The following TMEM33 variants were observed in gnomAD, a reference collection of about 807,000 sequenced individuals.
TMEM33 encodes the protein transmembrane protein 33.
Under a neutral mutation model 29.7 loss-of-function variants are expected in TMEM33, and 16 were observed. The ratio of observed to expected loss-of-function variants is 0.54; its 90% CI spans 0.36 to 0.82. The LOEUF (loss-of-function observed/expected upper bound fraction) is 0.82. Ranked by LOEUF, TMEM33 falls within the 40% of genes least tolerant of loss-of-function variation. The pLI, the probability that TMEM33 is intolerant of heterozygous loss-of-function variation, is 0.00. For missense variants in TMEM33, 252 were observed against 295.3 expected (o/e 0.85, Z 1.08); for synonymous variants, 112 against 109.4 (o/e 1.02, Z -0.15).
chr4:41,943,856 C>T, intron 4 of TMEM33, 42 bp downstream of exon 4: 1 of 1,568,970 alleles, frequency 6.4e-7, no homozygotes, highest in Non-Finnish European at 8.8e-7. Context: ...AATTACAGAT[C>T]ATTGACATGA....
rs1266050270 is a variant in TMEM33, at chr4:41,960,671, C to A, written c.*6472C>A. ...TTAGAATAAGGTGAATTTGAACACA[C>A]TCCTCTTATCCTCAGCCCATCACAA... On this transcript the variant is annotated 3_prime_UTR_variant, in exon 7 of 7. Transcript: ENST00000504986. 2 of 152,116 alleles carry A rather than the reference C, an allele frequency of 1.3e-5. No homozygotes were observed. Among genetic ancestry groups the A allele is most frequent in the East Asian group, 1.9e-4 (1 of 5,190 alleles). 9.4% of individuals were successfully genotyped at this position (152,116 alleles called of 1,614,324 possible).
chr4:41,942,197 A>G (rs1248933891), intron 3 of TMEM33, among the ~76,000 whole-genome samples: 1 of 152,232 alleles, frequency 6.6e-6, no homozygotes, highest in Non-Finnish European at 1.5e-5. Flanking sequence ...AGAGTTTTAT[A>G]GTGACTTTTG....
intron 3 of TMEM33, among the ~76,000 whole-genome samples, chr4:41,940,001 G>GA (rs1712443541): frequency 6.7e-6 from 1 of 149,666 alleles, no homozygotes. Flanking sequence ...TAAAGGAGGG[G>GA]AAAAATGGGG....
chr4:41,939,998 G>C (rs1191329785), intron 3 of TMEM33, among the ~76,000 whole-genome samples: 2 of 151,610 alleles, frequency 1.3e-5, no homozygotes, highest in Non-Finnish European at 2.9e-5. Context: ...CCATAAAGGA[G>C]GGGAAAAATG....
rs144704555 is a variant in TMEM33, at chr4:41,944,906, G to A, written c.510G>A (p.Ala170=). 1.4e-5 allele frequency: 22 copies of A among 1,612,348 alleles called. No homozygotes were observed. The highest frequency in any genetic ancestry group is 2.7e-5 in the African/African-American group (2 of 74,830). The part of the protein sequence containing the change: ...IACNEIFLMP[A]TVFMLFSGQG... ...GCAATGAAATATTCCTGATGCCTGC[G>A]ACAGTTTTTATGCTTTTTAGGTAAG... Residue 170 remains alanine (A), a synonymous_variant, in exon 5 of 7, where the codon GCG becomes GCA. Transcript: ENST00000504986.
chr4:41,955,163 A>G lies in TMEM33; in HGVS notation c.*964A>G, dbSNP rs1713209229. ...CTATCCTGAAATAATAATGGAGAGT[A>G]TACTGTAGATTACATGTTTACCCAT... On this transcript the variant is annotated 3_prime_UTR_variant, in exon 7 of 7. Coordinates refer to ENST00000504986, the MANE Select transcript of TMEM33 (RefSeq NM_018126.3). 1.3e-5 allele frequency: 2 copies of G among 152,566 alleles called. No individual in the cohort carries two copies. Among genetic ancestry groups the G allele is most frequent in the Non-Finnish European group, 2.9e-5 (2 of 68,014 alleles). 9.5% of individuals were successfully genotyped at this position (152,566 alleles called of 1,614,324 possible).
chr4:41,954,833 C>T lies in TMEM33; in HGVS notation c.*634C>T, dbSNP rs1257690574. ...CTTGAGTATTTTTTAAAAGGCTCAA[C>T]TGTAAGCCTCTTAGCCAGTTGGATA... On this transcript the variant is annotated 3_prime_UTR_variant, in exon 7 of 7. Coordinates refer to ENST00000504986, the MANE Select transcript of TMEM33 (RefSeq NM_018126.3). 2.6e-5 allele frequency: 4 copies of T among 152,488 alleles called. No homozygotes were observed. The highest frequency in any genetic ancestry group is 2.6e-4 in the Admixed American group (4 of 15,278). The allele number at this position is 152,488 out of a possible 1,614,324, so 9.4% of individuals were successfully genotyped here. A position where few individuals can be genotyped will look rare whatever the true frequency, so the allele number is the denominator to read the frequency against.
At chr4:41,944,664 C>A (rs1024114984) in intron 4 of TMEM33, 129 bp from the exon 5 acceptor site, 5 of 1,062,592 alleles carry the variant, frequency 4.7e-6, no homozygotes, top group Non-Finnish European at 5.4e-6. Context: ...TTGTGAACTT[C>A]GTACCATCAT....
chr4:41,939,666 C>T, intron 3 of TMEM33: 1 of 512,410 alleles, frequency 2.0e-6, no homozygotes, highest in Non-Finnish European at 3.8e-6. Context: ...CAACCTTACG[C>T]AGAACTTACT....
chr4:41,959,202 C>T lies in TMEM33; in HGVS notation c.*5003C>T, dbSNP rs947953475. 2.0e-5 allele frequency: 3 copies of T among 152,134 alleles called. No homozygotes were observed. The highest frequency in any genetic ancestry group is 7.2e-5 in the African/African-American group (3 of 41,430). 9.4% of individuals were successfully genotyped at this position (152,134 alleles called of 1,614,324 possible). The stretch of plus-strand genomic sequence containing the variant: ...TCAGGGTAGAAAGTTATGATTGGAT[C>T]TGCTGTTAAGGAGAACAAAGGAGCT... On this transcript the variant is annotated 3_prime_UTR_variant, in exon 7 of 7. Coordinates refer to ENST00000504986, the MANE Select transcript of TMEM33 (RefSeq NM_018126.3).
Position 41,939,751 on chromosome 4 carries a change from G to A in TMEM33, c.328+368G>A, listed in dbSNP as rs1158353850. 3 of 457,546 alleles carry A rather than the reference G, an allele frequency of 6.6e-6. No homozygotes were observed. In the East Asian group the frequency reaches 2.1e-4, roughly 32 times the overall value. The allele number at this position is 457,546 out of a possible 1,614,324, so 28.3% of individuals were successfully genotyped here. On this transcript the variant is annotated intron_variant, in intron 3 of 6. Transcript: ENST00000504986. ...AGATGTCTTGCTTTAAAAAAGAGAG[G>A]TCCTCAGCTCTTTCCATCTTAACCC...
chr4:41,955,308 T>C lies in TMEM33; in HGVS notation c.*1109T>C, dbSNP rs1364186515. 6.6e-6 allele frequency: 1 copy of C among 152,446 alleles called. No homozygotes were observed. The highest frequency in any genetic ancestry group is 1.5e-5 in the Non-Finnish European group (1 of 67,994). 9.4% of individuals were successfully genotyped at this position (152,446 alleles called of 1,614,324 possible). A position where few individuals can be genotyped will look rare whatever the true frequency, so the allele number is the denominator to read the frequency against. On this transcript the variant is annotated 3_prime_UTR_variant, in exon 7 of 7. Transcript: ENST00000504986. ...ATTTCAGTCTCAACGCATAGATAAA[T>C]TTAGGGGAATTGGATGTATTATTCA...
chr4:41,953,601 T>C lies in TMEM33; in HGVS notation c.615-469T>C, dbSNP rs1017164726. Among the ~76,000 whole-genome samples the C allele has an allele frequency of 2.0e-5, 3 of 152,322 alleles. No homozygotes were observed. The South Asian group carries it at 6.2e-4, about 32-fold the overall frequency. On this transcript the variant is annotated intron_variant, in intron 6 of 6. Coordinates refer to ENST00000504986, the MANE Select transcript of TMEM33 (RefSeq NM_018126.3). ...TAGTTTTCATCTAAAGTAACAGACA[T>C]GGGAGGCCTCCTTTCACCTGAGCAC...
intron 1 of TMEM33, 90 bp downstream of exon 1, chr4:41,935,619 C>T: frequency 7.6e-7 from 1 of 1,313,910 alleles, no homozygotes; most frequent in African/African-American, 1.5e-5. Context: ...TCCAGAAGCT[C>T]AGTGCATTCA....
At chr4:41,943,639 A>G in intron 3 of TMEM33, 108 bp from the exon 4 acceptor site, 1 of 943,016 alleles carries the variant, frequency 1.1e-6, no homozygotes, top group Non-Finnish European at 1.6e-6. Flanking sequence ...CATTCCACTG[A>G]ACTCATTTTA....
chr4:41,940,412 A>G (rs1459995303), intron 3 of TMEM33, among the ~76,000 whole-genome samples: 1 of 152,164 alleles, frequency 6.6e-6, no homozygotes, highest in African/African-American at 2.4e-5. Context: ...ACCTATTTAG[A>G]TACCTATGCT....
intron 6 of TMEM33, 121 bp from the exon 7 acceptor site, chr4:41,953,949 G>A (rs1370679440): frequency 6.7e-6 from 8 of 1,193,602 alleles, no homozygotes; most frequent in African/African-American, 3.0e-5. Context: ...TGCTGTATGC[G>A]GTGTTGCAAC....
At chr4:41,937,657 A>G (rs1712307138) in intron 1 of TMEM33, among the ~76,000 whole-genome samples, 1 of 152,202 alleles carries the variant, frequency 6.6e-6, no homozygotes, top group Non-Finnish European at 1.5e-5. Flanking sequence ...TAGGGTAAAT[A>G]TTTGTGAAAC....
At position 41,957,225 on chromosome 4, in the gene TMEM33, A is replaced by G; in HGVS notation, c.*3026A>G. 1 of 150,584 alleles carries G rather than the reference A, an allele frequency of 6.6e-6. No homozygotes were observed. Among genetic ancestry groups the G allele is most frequent in the East Asian group, 1.9e-4 (1 of 5,148 alleles). 9.3% of individuals were successfully genotyped at this position (150,584 alleles called of 1,614,324 possible). A position where few individuals can be genotyped will look rare whatever the true frequency, so the allele number is the denominator to read the frequency against. ...TGGTACCTTACTAATTTAAACTCTAATATCAATCTAAAGAGAAATTTATTA... is the reference window on the plus strand; with the variant it reads ...TGGTACCTTACTAATTTAAACTCTAGTATCAATCTAAAGAGAAATTTATTA... On this transcript the variant is annotated 3_prime_UTR_variant, in exon 7 of 7. Transcript: ENST00000504986.
Sources: gnomAD v4.1 joint callset for allele counts (sites outside exome capture counted in the v4.1 genomes callset) on GRCh38, gnomAD v4.1.1 for gene constraint, MANE v1.5 for transcripts, NCBI Gene and HGNC (gene_info 2026-07-23, HGNC 2026-07-21) for gene names.